Variants in PARPBP observed in about 807,000 individuals in gnomAD.
PARPBP encodes the protein PARP1 binding protein, also known as PCNA-interacting partner.
In PARPBP, 52 loss-of-function variants were observed where a neutral mutation model predicts 50.0. The observed-to-expected ratio is 1.04, with a 90% CI of 0.83 to 1.31. The LOEUF (loss-of-function observed/expected upper bound fraction) is 1.31, where lower values mean the gene tolerates loss of function less well. Among genes scored for constraint, PARPBP ranks in the 50% most tolerant of loss-of-function variants. The pLI is 0.00. For missense variants in PARPBP, 697 were observed against 672.0 expected (o/e 1.04, Z -0.41); for synonymous variants, 244 against 232.1 (o/e 1.05, Z -0.47).
Position 102,153,961 on chromosome 12 carries a change from C to A in PARPBP, c.480C>A (p.Asn160Lys). ...CAACATCACCAACAAGTAAATACAA[C>A]CGTGATAATGAAAAGGTACTGATAA... Reference protein sequence around the residue: ...SIPTSPTSKYNRDNEKVQLLA... With the variant: ...SIPTSPTSKYKRDNEKVQLLA... The change falls in exon 4 of 11, where the codon AAC (asparagine) becomes AAA (lysine). Residue 160 changes from asparagine (N) to lysine (K), a missense_variant. Transcript: ENST00000327680. 6.4e-7 allele frequency: 1 copy of A among 1,571,956 alleles called. No individual in the cohort carries two copies. The highest frequency in any genetic ancestry group is 8.8e-7 in the Non-Finnish European group (1 of 1,141,988).
chr12:102,148,344 G>A lies in PARPBP; in HGVS notation c.268G>A (p.Asp90Asn). The A allele has an allele frequency of 6.3e-7, 1 of 1,588,210 alleles. No individual in the cohort carries two copies. Among genetic ancestry groups the A allele is most frequent in the Non-Finnish European group, 8.6e-7 (1 of 1,156,856 alleles). Reference protein sequence around the residue: ...ENMDVTDHYEDVRKIYDDFLK... With the variant: ...ENMDVTDHYENVRKIYDDFLK... ...CATGGACGTGACTGACCATTATGAG[G>A]ACGTTAGGAAGATTTATGATGATTT... Residue 90 changes from aspartate (D) to asparagine (N), a missense_variant, in exon 3 of 11, where the codon GAC becomes AAC. Asp to Asn is a conservative substitution (Grantham distance 23, BLOSUM62 1). Transcript: ENST00000327680.
At chr12:102,137,953 C>T (rs537429153) in intron 2 of PARPBP, among the ~76,000 whole-genome samples, 1 of 152,240 alleles carries the variant, frequency 6.6e-6, no homozygotes, top group East Asian at 1.9e-4. Flanking sequence ...TGAATAGTGT[C>T]GCAATAAACA....
intron 7 of PARPBP, among the ~76,000 whole-genome samples, chr12:102,177,238 A>G (rs1889372424): frequency 6.6e-6 from 1 of 152,232 alleles, no homozygotes; most frequent in Non-Finnish European, 1.5e-5. Flanking sequence ...GAAGGCCAAG[A>G]TGATATTGAT....
chr12:102,162,923 G>A (rs887254432), intron 4 of PARPBP, among the ~76,000 whole-genome samples: 24 of 151,412 alleles, frequency 1.6e-4, no homozygotes, highest in African/African-American at 5.8e-4. Flanking sequence ...AGAACTCTTT[G>A]CCTTATTCCA....
chr12:102,184,786 G>A (rs969904882), intron 9 of PARPBP, among the ~76,000 whole-genome samples: 12 of 152,110 alleles, frequency 7.9e-5, no homozygotes, highest in African/African-American at 2.9e-4. Context: ...CTGAACCATA[G>A]CCATGTAGAG....
chr12:102,181,233 C>A (rs1889799323), intron 8 of PARPBP, among the ~76,000 whole-genome samples: 1 of 152,074 alleles, frequency 6.6e-6, no homozygotes, highest in African/African-American at 2.4e-5. Context: ...TAGTGCCTTA[C>A]AAATAGTAGA....
chr12:102,155,231 T>C, intron 4 of PARPBP: 1 of 156,888 alleles, frequency 6.4e-6, no homozygotes, highest in Non-Finnish European at 1.4e-5. Context: ...TACAGTGAGC[T>C]GAGATCACAC....
chr12:102,124,636 A>G (rs1023028612), intron 2 of PARPBP, among the ~76,000 whole-genome samples: 2 of 152,206 alleles, frequency 1.3e-5, no homozygotes, highest in Non-Finnish European at 2.9e-5. Context: ...TAGAGGAGGT[A>G]TGATGAGGAA....
At chr12:102,147,377 T>A (rs1321122967) in intron 2 of PARPBP, among the ~76,000 whole-genome samples, 1 of 152,082 alleles carries the variant, frequency 6.6e-6, no homozygotes, top group African/African-American at 2.4e-5. Context: ...CATGGAATAC[T>A]ATGCAGCCAT....
chr12:102,168,438 G>A (rs1888368647), intron 6 of PARPBP, among the ~76,000 whole-genome samples: 1 of 152,066 alleles, frequency 6.6e-6, no homozygotes, highest in Non-Finnish European at 1.5e-5. Context: ...AATAGTGAAT[G>A]TCTTCAACTG....
chr12:102,185,268 T>G (rs985604039), intron 9 of PARPBP, among the ~76,000 whole-genome samples: 2 of 152,236 alleles, frequency 1.3e-5, no homozygotes, highest in Admixed American at 1.3e-4. Flanking sequence ...AAATGCTTTT[T>G]AAGCATCAGT....
chr12:102,176,542 A>G (rs1047006936), intron 7 of PARPBP, among the ~76,000 whole-genome samples: 4 of 151,988 alleles, frequency 2.6e-5, no homozygotes, highest in Non-Finnish European at 4.4e-5. Flanking sequence ...TTTTTTACAG[A>G]GATAATTAAA....
intron 2 of PARPBP, among the ~76,000 whole-genome samples, chr12:102,128,173 C>T (rs1187403148): frequency 2.0e-5 from 3 of 152,072 alleles, no homozygotes; most frequent in African/African-American, 7.2e-5. Flanking sequence ...CCCCATCCAC[C>T]CCACCCACTG....
At chr12:102,151,506 GGGGTCCTTTGGGT>G in intron 3 of PARPBP, 2 of 1,107,462 alleles carry the variant, frequency 1.8e-6, no homozygotes, top group Non-Finnish European at 2.6e-6. Context: ...ATCAGTGAAT[GGGGTCCTTTGGGT>G]GGGTCCCTGA....
At chr12:102,129,004 G>A (rs1479527425) in intron 2 of PARPBP, among the ~76,000 whole-genome samples, 3 of 151,708 alleles carry the variant, frequency 2.0e-5, no homozygotes, top group Non-Finnish European at 2.9e-5. Context: ...ATTCTAACAG[G>A]TCATAATTTA....
At chr12:102,148,044 C>G (rs542126281) in intron 2 of PARPBP, among the ~76,000 whole-genome samples, 186 bp from the exon 3 acceptor site, 1 of 152,172 alleles carries the variant, frequency 6.6e-6, no homozygotes, top group East Asian at 1.9e-4. Flanking sequence ...ATCATGAAAA[C>G]CTTTTTCTTT....
intron 1 of PARPBP, among the ~76,000 whole-genome samples, chr12:102,121,634 A>G (rs1371748394): frequency 1.4e-5 from 2 of 146,376 alleles, no homozygotes; most frequent in Non-Finnish European, 3.0e-5. Context: ...GCTCACTGCA[A>G]CTTCCGCCTC....
At chr12:102,151,212 C>T (rs1270870704) in intron 3 of PARPBP, among the ~76,000 whole-genome samples, 1 of 151,992 alleles carries the variant, frequency 6.6e-6, no homozygotes, top group Non-Finnish European at 1.5e-5. Flanking sequence ...AGAATAGCAC[C>T]TCAACATAAA....
chr12:102,182,741 G>A, intron 9 of PARPBP, 114 bp downstream of exon 9: 1 of 727,990 alleles, frequency 1.4e-6, no homozygotes, highest in Non-Finnish European at 2.3e-6. Context: ...ACATGACACA[G>A]TAGGAATTAA....
Sources: allele counts gnomAD v4.1 joint callset (sites outside exome capture counted in the v4.1 genomes callset), GRCh38; gene constraint gnomAD v4.1.1; transcripts MANE v1.5; gene names NCBI Gene and HGNC (gene_info 2026-07-23, HGNC 2026-07-21).